Variants in GEMIN4 observed in about 807,000 individuals in gnomAD.
GEMIN4 encodes the protein gem nuclear organelle associated protein 4, also known as gem-associated protein 4.
A neutral mutation model predicts 76.8 loss-of-function variants in GEMIN4; 59 were observed. The observed-to-expected ratio is 0.77, with a 90% CI of 0.62 to 0.95. The LOEUF (loss-of-function observed/expected upper bound fraction) is 0.95, where lower values mean the gene tolerates loss of function less well. GEMIN4 is among the 40% of genes least tolerant of loss of function. The pLI is 0.00. For synonymous variants in GEMIN4, 562 were observed against 559.7 expected, an observed-to-expected ratio of 1.00 and a Z score of -0.06; for missense variants, 1,311 against 1,318.9, an observed-to-expected ratio of 0.99 and a Z score of 0.09.
In GEMIN4 at chr17:745,669, CAA is replaced by C; in HGVS notation, c.2372_2373del (p.Phe791Ter). 6.3e-7 allele frequency: 1 copy of C among 1,596,498 alleles called. No homozygotes were observed. ...TCGTCTTCTGAAAGCTTACAGATCT[CAA>C]AAAGTGTGGCTGGCACTTCACACTT... is the stretch of plus-strand genomic sequence containing the variant. Reference protein sequence around the residue: ...HFKCEVPATLFEICKLSEDEW... With the variant: ...HFKCEVPATLXEICKLSEDEW... On this transcript the variant is annotated frameshift_variant, in exon 2 of 2. Coordinates refer to ENST00000319004, the MANE Select transcript of GEMIN4 (RefSeq NM_015721.3). LOFTEE classifies it high-confidence loss of function. The surrounding 1 kb of genome is among the most constrained non-coding windows in gnomAD (Gnocchi z 4.6).
Position 752,187 on chromosome 17 carries a change from C to T in GEMIN4, c.-45G>A. 8.1e-7 allele frequency: 1 copy of T among 1,233,724 alleles called. No homozygotes were observed. The highest frequency in any genetic ancestry group is 3.2e-5 in the East Asian group (1 of 31,682). 76.4% of individuals were successfully genotyped at this position (1,233,724 alleles called of 1,614,324 possible). On this transcript the variant is annotated 5_prime_UTR_variant, in exon 1 of 2. Coordinates refer to ENST00000319004, the MANE Select transcript of GEMIN4 (RefSeq NM_015721.3). ...GCGCGGGGCTAACGCCCCCTCCCCT[C>T]CGAGAACTCGAACGCGGCGCGGGAC...
chr17:752,614 A>T, upstream of GEMIN4: 1 of 988,774 alleles, frequency 1.0e-6, no homozygotes, highest in Non-Finnish European at 1.2e-6. Context: ...CTCGCGCCAC[A>T]TACAGTCCCT....
In GEMIN4 at chr17:746,171, A is replaced by C. The variant is rs1974400176; in HGVS notation, c.1872T>G (p.Phe624Leu). The C allele has an allele frequency of 1.2e-6, 2 of 1,613,720 alleles. No individual in the cohort carries two copies. The highest frequency in any genetic ancestry group is 3.3e-5 in the Admixed American group (2 of 60,006). Residue 624 changes from phenylalanine (F) to leucine (L), a missense_variant, in exon 2 of 2, where the codon TTT becomes TTG. Phe to Leu is a conservative substitution (Grantham distance 22). Around this residue, in one of 2 missense-constraint regions of GEMIN4, gnomAD observed 1,208 missense variants for 1,166.9 expected, o/e 1.04. Transcript: ENST00000319004. The surrounding 1 kb of genome is among the most constrained non-coding windows in gnomAD (Gnocchi z 4.3). ...KFSTPKEEKQ[F>L]LELLNCLMSP... is the part of the protein sequence containing the mutation. ...TCATCAGGCAGTTCAGGAGCTCTAAAAATTGCTTTTCTTCCTTGGGTGTAG... is the reference window on the plus strand; with the variant it reads ...TCATCAGGCAGTTCAGGAGCTCTAACAATTGCTTTTCTTCCTTGGGTGTAG...
In GEMIN4 at chr17:745,208, G is replaced by T. The variant is rs115130601; in HGVS notation, c.2835C>A (p.Gly945=). 657 of 1,608,104 alleles carry T rather than the reference G, an allele frequency of 4.1e-4. 4 individuals are homozygous for T. In the African/African-American group the frequency reaches 7.8e-3, roughly 19 times the overall value. ...GWNHVVKLLC[G]SLTRLLDSVR... is the part of the protein sequence containing the mutation. ...CTGAGTCCAGGAGGCGGGTCAGACT[G>T]CCACAGAGGAGTTTGACCACGTGGT... Residue 945 remains glycine (G), a synonymous_variant, in exon 2 of 2, where the codon GGC becomes GGA. Coordinates refer to ENST00000319004, the MANE Select transcript of GEMIN4 (RefSeq NM_015721.3). This position sits in a 1 kb window ranked among gnomAD's most constrained non-coding sequence, Gnocchi z 4.6.
rs751181196 is a variant in GEMIN4, at chr17:747,158, C to T, written c.885G>A (p.Glu295=). ...AGGTCAGGCTGACATCCCGTTCTGC[C>T]TCCTTCACCTTCTCTGCCAGCGCCT... ...HQQALAEKVK[E]AERDVSLTSL... is the part of the protein sequence containing the mutation. The change falls in exon 2 of 2, where the codon GAG becomes GAA. Residue 295 remains glutamate (E), a synonymous_variant. Coordinates refer to ENST00000319004, the MANE Select transcript of GEMIN4 (RefSeq NM_015721.3). 6.2e-7 allele frequency: 1 copy of T among 1,613,848 alleles called. No individual in the cohort carries two copies. The highest frequency in any genetic ancestry group is 2.2e-5 in the East Asian group (1 of 44,880).
Position 746,854 on chromosome 17 carries a change from T to C in GEMIN4, c.1189A>G (p.Arg397Gly). ...GAAGCTGTGATATCCTCCAAGGCCC[T>C]GTTCTTCAGCACCGTGCTCGTTTTC... ...LRKTSTVLKN[R>G]ALEDITASIA... Residue 397 changes from arginine (R) to glycine (G), a missense_variant, in exon 2 of 2, where the codon AGG becomes GGG. Arg to Gly is a moderately radical substitution (Grantham distance 125). Coordinates refer to ENST00000319004, the MANE Select transcript of GEMIN4 (RefSeq NM_015721.3). This position sits in a 1 kb window ranked among gnomAD's most constrained non-coding sequence, Gnocchi z 4.3. The C allele has an allele frequency of 6.2e-7, 1 of 1,613,672 alleles. No individual in the cohort carries two copies. The highest frequency in any genetic ancestry group is 1.3e-5 in the African/African-American group (1 of 75,046).
intron 1 of GEMIN4, chr17:749,771 G>C: frequency 1.0e-6 from 1 of 977,750 alleles, no homozygotes; most frequent in Non-Finnish European, 1.2e-6. Context: ...AATGGGCACA[G>C]AAGGAATCAG....
rs1348460020 is a variant in GEMIN4 at position 745,202 on chromosome 17, C to G, written c.2841G>C (p.Leu947=). ...NHVVKLLCGS[L]TRLLDSVRAI... ...CCCTGACTGAGTCCAGGAGGCGGGT[C>G]AGACTGCCACAGAGGAGTTTGACCA... The change falls in exon 2 of 2, where the codon CTG becomes CTC. Residue 947 remains leucine (L), a synonymous_variant. Coordinates refer to ENST00000319004, the MANE Select transcript of GEMIN4 (RefSeq NM_015721.3). This position sits in a 1 kb window ranked among gnomAD's most constrained non-coding sequence, Gnocchi z 4.6. 6.2e-7 allele frequency: 1 copy of G among 1,607,284 alleles called. No homozygotes were observed. Among genetic ancestry groups the G allele is most frequent in the African/African-American group, 1.3e-5 (1 of 74,758 alleles).
Position 750,842 on chromosome 17 carries a change from T to C in GEMIN4, c.10+1291A>G, listed in dbSNP as rs1309134302. Among the ~76,000 whole-genome samples the C allele has an allele frequency of 2.0e-5, 3 of 152,238 alleles. No individual in the cohort carries two copies. The East Asian group carries it at 5.8e-4, about 29-fold the overall frequency. ...GCAATCCATCTCATCTCACAGTGGCTGAGACCGACTCCCAGGGAGGGTTAC... is the reference window on the plus strand; with the variant it reads ...GCAATCCATCTCATCTCACAGTGGCCGAGACCGACTCCCAGGGAGGGTTAC... On this transcript the variant is annotated intron_variant, in intron 1 of 1. Transcript: ENST00000319004.
intron 1 of GEMIN4, chr17:751,509 T>A (rs1904683899): frequency 6.6e-6 from 1 of 152,142 alleles, no homozygotes; most frequent in African/African-American, 2.4e-5. Context: ...GCAGGGAGCA[T>A]CTAGTTCCTA....
intron 1 of GEMIN4, chr17:749,870 G>A: frequency 1.0e-6 from 1 of 991,336 alleles, no homozygotes; most frequent in Non-Finnish European, 1.2e-6. Context: ...CCACCCCACA[G>A]CTCCTTCCAG....
Position 752,189 on chromosome 17 carries a change from G to A in GEMIN4, c.-47C>T, listed in dbSNP as rs1262896211. ...GCGGGGCTAACGCCCCCTCCCCTCC[G>A]AGAACTCGAACGCGGCGCGGGACGC... On this transcript the variant is annotated 5_prime_UTR_variant, in exon 1 of 2. Coordinates refer to ENST00000319004, the MANE Select transcript of GEMIN4 (RefSeq NM_015721.3). The A allele has an allele frequency of 2.4e-6, 3 of 1,232,796 alleles. No individual in the cohort carries two copies. Among genetic ancestry groups the A allele is most frequent in the African/African-American group, 1.6e-5 (1 of 64,328 alleles). The allele number at this position is 1,232,796 out of a possible 1,614,324, so 76.4% of individuals were successfully genotyped here.
rs1374849587 is a variant in GEMIN4 at position 745,483 on chromosome 17, G to C, written c.2560C>G (p.Leu854Val). 1 of 1,611,996 alleles carries C rather than the reference G, an allele frequency of 6.2e-7. No homozygotes were observed. Among genetic ancestry groups the C allele is most frequent in the South Asian group, 1.1e-5 (1 of 91,086 alleles). Residue 854 changes from leucine to valine, a missense_variant, in exon 2 of 2, where the codon CTG becomes GTG. Transcript: ENST00000319004. The surrounding 1 kb of genome is among the most constrained non-coding windows in gnomAD (Gnocchi z 4.6). ...GGCATGACTTGCACCAGGGCCACCA[G>C]AAAGCCTTTGCTGAACAGTCTGACC... is the stretch of plus-strand genomic sequence containing the variant. ...EEVRLFSKGF[L>V]VALVQVMPWC...
At chr17:752,029 G>T in intron 1 of GEMIN4, 104 bp downstream of exon 1, 1 of 827,920 alleles carries the variant, frequency 1.2e-6, no homozygotes, top group Non-Finnish European at 1.6e-6. Context: ...GTTTCGGTCC[G>T]GGCCCGCGCG....
intron 1 of GEMIN4, chr17:749,932 G>A: frequency 1.0e-6 from 1 of 986,760 alleles, no homozygotes. Flanking sequence ...CCAGGGAGTA[G>A]ATACAGAAAA....
chr17:746,752 A>G lies in GEMIN4; in HGVS notation c.1291T>C (p.Trp431Arg). 1 of 1,613,544 alleles carries G rather than the reference A, an allele frequency of 6.2e-7. No individual in the cohort carries two copies. The highest frequency in any genetic ancestry group is 1.1e-5 in the South Asian group (1 of 91,066). Residue 431 changes from tryptophan (W) to arginine (R), a missense_variant, in exon 2 of 2, where the codon TGG (tryptophan) becomes CGG (arginine). Physicochemically the swap from Trp to Arg is moderately radical, Grantham distance 101. Around this residue, in one of 2 missense-constraint regions of GEMIN4, gnomAD observed 1,208 missense variants for 1,166.9 expected, o/e 1.04. Transcript: ENST00000319004. The surrounding 1 kb of genome is among the most constrained non-coding windows in gnomAD (Gnocchi z 4.3). ...VCYIFASEKK[W>R]AFSDEWVACL... Reference sequence around the variant, plus strand: ...GCTACCCACTCGTCCGAGAAGGCCCACTTCTTCTCAGAGGCAAAAATGTAG... The same window carrying G: ...GCTACCCACTCGTCCGAGAAGGCCCGCTTCTTCTCAGAGGCAAAAATGTAG...
chr17:748,294 A>G (rs148821282), intron 1 of GEMIN4: 120 of 472,860 alleles, frequency 2.5e-4, no homozygotes, highest in African/African-American at 2.3e-3. Flanking sequence ...GGAGAATCAG[A>G]GCAGGTGTGA....
chr17:746,837 G>GATATCCTCC lies in GEMIN4; in HGVS notation c.1197_1205dup (p.Asp401_Ile402insMetGluAsp), dbSNP rs750190223. 1 of 1,613,584 alleles carries GATATCCTCC rather than the reference G, an allele frequency of 6.2e-7. No individual in the cohort carries two copies. Among genetic ancestry groups the GATATCCTCC allele is most frequent in the South Asian group, 1.1e-5 (1 of 91,080 alleles). On this transcript the variant is annotated inframe_insertion, in exon 2 of 2. Transcript: ENST00000319004. This position sits in a 1 kb window ranked among gnomAD's most constrained non-coding sequence, Gnocchi z 4.3. ...TGACGGCCATGGCAATGGAAGCTGT[G>GATATCCTCC]ATATCCTCCAAGGCCCTGTTCTTCA... is the stretch of plus-strand genomic sequence containing the variant.
At position 745,564 on chromosome 17, in the gene GEMIN4, CGCT is replaced by C; in HGVS notation, c.2476_2478del (p.Ser826del). The C allele has an allele frequency of 6.2e-7, 1 of 1,612,416 alleles. No individual in the cohort carries two copies. The highest frequency in any genetic ancestry group is 8.5e-7 in the Non-Finnish European group (1 of 1,179,666). Reference sequence around the variant, plus strand: ...AGAGACAGCATCCTCTCCGAGATGCCGCTGGAGACGCAGCAGCACTCCATCCAG... The same window carrying C: ...AGAGACAGCATCCTCTCCGAGATGCCGGAGACGCAGCAGCACTCCATCCAG... On this transcript the variant is annotated inframe_deletion, in exon 2 of 2. Transcript: ENST00000319004. This position sits in a 1 kb window ranked among gnomAD's most constrained non-coding sequence, Gnocchi z 4.6.
Sources: allele counts gnomAD v4.1 joint callset (sites outside exome capture counted in the v4.1 genomes callset), GRCh38; gene constraint gnomAD v4.1.1; regional missense constraint gnomAD v4.1.1; non-coding constraint Gnocchi (gnomAD v3.1); transcripts MANE v1.5; gene names NCBI Gene and HGNC (gene_info 2026-07-23, HGNC 2026-07-21).